Variants in CSMD1 observed in about 807,000 individuals in gnomAD.
CSMD1 encodes the protein CUB and Sushi multiple domains 1.
A neutral mutation model predicts 417.5 loss-of-function variants in CSMD1; 213 were observed. The ratio of observed to expected loss-of-function variants is 0.51; its 90% CI spans 0.46 to 0.57. The LOEUF is 0.57. CSMD1 is among the 20% of genes least tolerant of loss of function. The pLI, the probability that CSMD1 is intolerant of heterozygous loss-of-function variation, is 0.00. For missense variants in CSMD1, 6,923 were observed against 4,529.7 expected (o/e 1.53, Z -15.17); for synonymous variants, 2,862 against 1,736.8 (o/e 1.65, Z -16.11).
chr8:3,625,491 T>C (rs532519769), intron 7 of CSMD1, among the ~76,000 whole-genome samples: 9 of 152,288 alleles, frequency 5.9e-5, no homozygotes, highest in African/African-American at 1.9e-4. Flanking sequence ...GTTGATCACC[T>C]ATTATCATAA....
chr8:3,241,830 CTCTAT>C (rs1455871722), intron 26 of CSMD1, among the ~76,000 whole-genome samples: 1 of 152,000 alleles, frequency 6.6e-6, no homozygotes, highest in Non-Finnish European at 1.5e-5. Context: ...TCTTGGCTGC[CTCTAT>C]TCTATTATTG....
intron 2 of CSMD1, among the ~76,000 whole-genome samples, chr8:4,577,962 G>A (rs1799213544): frequency 6.6e-6 from 1 of 152,098 alleles, no homozygotes; most frequent in Non-Finnish European, 1.5e-5. Flanking sequence ...AAATGACATG[G>A]GTCTGGTTTC....
At chr8:3,031,665 TG>T (rs1024492561) in intron 50 of CSMD1, among the ~76,000 whole-genome samples, 3 of 151,930 alleles carry the variant, frequency 2.0e-5, no homozygotes, top group South Asian at 2.1e-4. Flanking sequence ...CCCAAAGTGC[TG>T]GGATTACAGG....
intron 12 of CSMD1, among the ~76,000 whole-genome samples, chr8:3,454,309 T>A (rs1488812822): frequency 6.6e-6 from 1 of 152,228 alleles, no homozygotes; most frequent in Non-Finnish European, 1.5e-5. Context: ...TTGGCCCATT[T>A]ACATTTAAGG....
intron 10 of CSMD1, among the ~76,000 whole-genome samples, chr8:3,494,388 G>A (rs981915369): frequency 6.6e-6 from 1 of 152,168 alleles, no homozygotes; most frequent in Non-Finnish European, 1.5e-5. Flanking sequence ...AAGAAGAAAT[G>A]CTTCCTTTGG....
At chr8:4,760,864 C>A (rs1274964315) in intron 1 of CSMD1, among the ~76,000 whole-genome samples, 1 of 152,132 alleles carries the variant, frequency 6.6e-6, no homozygotes, top group East Asian at 1.9e-4. Flanking sequence ...CTGTAATATA[C>A]AACTCATGTC....
chr8:3,519,042 A>T (rs1461375301), intron 10 of CSMD1, among the ~76,000 whole-genome samples: 1 of 152,208 alleles, frequency 6.6e-6, no homozygotes, highest in Non-Finnish European at 1.5e-5. Context: ...CTATCGCAAC[A>T]TTTTAAAAAT....
intron 7 of CSMD1, among the ~76,000 whole-genome samples, chr8:3,700,055 A>T (rs1800768139): frequency 6.6e-6 from 1 of 152,198 alleles, no homozygotes; most frequent in African/African-American, 2.4e-5. Context: ...ACAAAGTAGA[A>T]AATATGCCTG....
chr8:3,597,017 T>C (rs1170556352), intron 8 of CSMD1, among the ~76,000 whole-genome samples: 1 of 152,102 alleles, frequency 6.6e-6, no homozygotes, highest in East Asian at 1.9e-4. Flanking sequence ...AGAACCCAGG[T>C]GCTGATGCCA....
At chr8:3,559,940 G>T (rs1235423863) in intron 10 of CSMD1, among the ~76,000 whole-genome samples, 2 of 152,152 alleles carry the variant, frequency 1.3e-5, no homozygotes, top group African/African-American at 4.8e-5. Context: ...TCAGCTGGAG[G>T]TGACAGAGGA....
intron 5 of CSMD1, among the ~76,000 whole-genome samples, chr8:3,989,426 G>A (rs1490485217): frequency 6.6e-6 from 1 of 152,204 alleles, no homozygotes; most frequent in South Asian, 2.1e-4. Flanking sequence ...TCCAAGCTAG[G>A]TAAGAGCGGC....
chr8:4,148,980 T>TG (rs767846255), intron 3 of CSMD1, among the ~76,000 whole-genome samples: 2 of 142,760 alleles, frequency 1.4e-5, no homozygotes, highest in East Asian at 4.1e-4. Context: ...TTTTTTTTTT[T>TG]GAGATGGAGT....
chr8:3,832,912 G>T (rs920611541), intron 5 of CSMD1, among the ~76,000 whole-genome samples: 2 of 152,246 alleles, frequency 1.3e-5, no homozygotes, highest in East Asian at 3.9e-4. Flanking sequence ...AACACAAATA[G>T]GAGTACGTTT....
At chr8:4,619,220 C>A (rs1307468894) in intron 2 of CSMD1, among the ~76,000 whole-genome samples, 1 of 152,154 alleles carries the variant, frequency 6.6e-6, no homozygotes, top group East Asian at 1.9e-4. Context: ...CCACCACCAC[C>A]CCAAATAGTT....
At chr8:4,363,468 C>A (rs922951198) in intron 3 of CSMD1, among the ~76,000 whole-genome samples, 6 of 152,152 alleles carry the variant, frequency 3.9e-5, no homozygotes, top group African/African-American at 1.4e-4. Context: ...CTATCTTCCC[C>A]ACCACCCCCT....
intron 5 of CSMD1, among the ~76,000 whole-genome samples, chr8:3,919,331 G>T (rs956320793): frequency 1.3e-5 from 2 of 151,942 alleles, no homozygotes; most frequent in African/African-American, 4.8e-5. Context: ...CTAACACGTG[G>T]GCCAGTTTCA....
chr8:4,061,827 A>G (rs1212205597), intron 3 of CSMD1, among the ~76,000 whole-genome samples: 1 of 152,218 alleles, frequency 6.6e-6, no homozygotes, highest in Non-Finnish European at 1.5e-5. Context: ...GCTTCACTTT[A>G]GAAGAAATAT....
intron 8 of CSMD1, among the ~76,000 whole-genome samples, chr8:3,608,873 T>C (rs1382780505): frequency 6.6e-6 from 1 of 152,064 alleles, no homozygotes; most frequent in Non-Finnish European, 1.5e-5. Context: ...AGTGATCAAT[T>C]AAACCAAGAT....
chr8:4,599,983 T>C (rs1486344301), intron 2 of CSMD1, among the ~76,000 whole-genome samples: 1 of 152,146 alleles, frequency 6.6e-6, no homozygotes, highest in Non-Finnish European at 1.5e-5. Context: ...CATGGAGGTG[T>C]TCACTGTGAT....
Sources: gnomAD v4.1 joint callset for allele counts (sites outside exome capture counted in the v4.1 genomes callset) on GRCh38, gnomAD v4.1.1 for gene constraint, MANE v1.5 for transcripts, NCBI Gene and HGNC (gene_info 2026-07-23, HGNC 2026-07-21) for gene names.